The following GRIN2B variants were observed in gnomAD, a reference collection of about 807,000 sequenced individuals.
GRIN2B encodes the protein glutamate ionotropic receptor NMDA type subunit 2B.
In GRIN2B, 5 loss-of-function variants were observed where a neutral mutation model predicts 114.5. That is an observed-to-expected ratio of 0.04 (90% CI 0.02 to 0.09). The LOEUF (loss-of-function observed/expected upper bound fraction) is 0.09, where lower values mean the gene tolerates loss of function less well. Among genes scored for constraint, GRIN2B ranks in the 10% least tolerant of loss-of-function variants. GRIN2B has a pLI of 1.00. For missense variants in GRIN2B, 1,108 were observed against 1,943.5 expected (o/e 0.57, Z 8.08); for synonymous variants, 787 against 745.1 (o/e 1.06, Z -0.92).
At chr12:13,854,508 TCAAAA>T (rs553829007) in intron 3 of GRIN2B, among the ~76,000 whole-genome samples, 21 of 151,608 alleles carry the variant, frequency 1.4e-4, no homozygotes, top group Non-Finnish European at 2.7e-4. Context: ...AGACTCCACC[TCAAAA>T]CAAAACAAAA....
Position 13,553,902 on chromosome 12 carries a change from T to C in GRIN2B, c.*8881A>G, listed in dbSNP as rs1948447200. 1 of 152,072 alleles carries C rather than the reference T, an allele frequency of 6.6e-6. No individual in the cohort carries two copies. The highest frequency in any genetic ancestry group is 1.5e-5 in the Non-Finnish European group (1 of 68,020). 9.4% of individuals were successfully genotyped at this position (152,072 alleles called of 1,614,324 possible). On this transcript the variant is annotated 3_prime_UTR_variant, in exon 14 of 14. Transcript: ENST00000609686. ...TAACCATAAAACAGTCCAAAACAAC[T>C]TCAAAGGACAAAGCACTTAGAAAAA...
At chr12:13,830,358 G>A (rs1227884445) in intron 3 of GRIN2B, among the ~76,000 whole-genome samples, 2 of 152,160 alleles carry the variant, frequency 1.3e-5, no homozygotes, top group African/African-American at 4.8e-5. Flanking sequence ...CTTCTACTTT[G>A]AGAAATAAGT....
intron 3 of GRIN2B, among the ~76,000 whole-genome samples, chr12:13,782,564 A>C (rs1864137951): frequency 6.6e-6 from 1 of 152,224 alleles, no homozygotes; most frequent in Non-Finnish European, 1.5e-5. Flanking sequence ...ATTCTAGATT[A>C]TCTCTCAGCT....
At chr12:13,850,781 A>G (rs1394524710) in intron 3 of GRIN2B, among the ~76,000 whole-genome samples, 1 of 152,200 alleles carries the variant, frequency 6.6e-6, no homozygotes, top group Admixed American at 6.5e-5. Flanking sequence ...AGTGTTCAAA[A>G]TAAAGTGAAG....
At position 13,723,131 on chromosome 12, in the gene GRIN2B, C is replaced by A. The variant is rs1344054864; in HGVS notation, c.1010+30186G>T. On this transcript the variant is annotated intron_variant, in intron 4 of 13. Transcript: ENST00000609686. Reference sequence around the variant, plus strand: ...GGGAGCCTCTGAATAAATGCTTACACCTTTTTTTTTTGTTTTTTATTATTA... The same window carrying A: ...GGGAGCCTCTGAATAAATGCTTACAACTTTTTTTTTTGTTTTTTATTATTA... 7.3e-5 allele frequency among the ~76,000 whole-genome samples: 9 copies of A among 124,128 alleles called. No individual in the cohort carries two copies. The Admixed American group carries it at 7.6e-4, about 10-fold the overall frequency. 81.4% of individuals were successfully genotyped at this position (124,128 alleles called of 152,430 possible).
chr12:13,701,856 C>A (rs963238947), intron 4 of GRIN2B, among the ~76,000 whole-genome samples: 2 of 152,326 alleles, frequency 1.3e-5, no homozygotes, highest in African/African-American at 4.8e-5. Context: ...GGATAAAAGA[C>A]AAACACAAAG....
chr12:13,737,906 T>C (rs1863213852), intron 4 of GRIN2B, among the ~76,000 whole-genome samples: 1 of 152,194 alleles, frequency 6.6e-6, no homozygotes, highest in South Asian at 2.1e-4. Context: ...TACCCATAAT[T>C]CTGAAAAATT....
intron 4 of GRIN2B, among the ~76,000 whole-genome samples, chr12:13,727,910 T>C (rs1863019734): frequency 6.6e-6 from 1 of 152,220 alleles, no homozygotes; most frequent in Non-Finnish European, 1.5e-5. Flanking sequence ...GAAACCTACC[T>C]CTGCATGCAC....
At position 13,792,827 on chromosome 12, in the gene GRIN2B, C is replaced by T. The variant is rs1223137246; in HGVS notation, c.412-38912G>A. Reference sequence around the variant, plus strand: ...AAACCAGGAAACACACAAAAAGTGGCAGGCATTCTCAGCAGATATTGCACC... The same window carrying T: ...AAACCAGGAAACACACAAAAAGTGGTAGGCATTCTCAGCAGATATTGCACC... On this transcript the variant is annotated intron_variant, in intron 3 of 13. Coordinates refer to ENST00000609686, the MANE Select transcript of GRIN2B (RefSeq NM_000834.5). Among the ~76,000 whole-genome samples, 7 of 152,192 alleles carry T rather than the reference C, an allele frequency of 4.6e-5. No homozygotes were observed. In the East Asian group the frequency reaches 1.3e-3, roughly 29 times the overall value.
intron 4 of GRIN2B, among the ~76,000 whole-genome samples, chr12:13,695,870 G>T (rs1339326703): frequency 2.0e-5 from 3 of 152,132 alleles, no homozygotes; most frequent in Non-Finnish European, 4.4e-5. Flanking sequence ...CGGAAATGAT[G>T]ATTGCATGCT....
chr12:13,851,392 G>C (rs181043555), intron 3 of GRIN2B, among the ~76,000 whole-genome samples: 3 of 152,022 alleles, frequency 2.0e-5, no homozygotes, highest in Admixed American at 2.0e-4. Context: ...TTCACTCAAT[G>C]ACATTGCACT....
chr12:13,687,134 A>G (rs1254886438), intron 4 of GRIN2B, among the ~76,000 whole-genome samples: 1 of 152,180 alleles, frequency 6.6e-6, no homozygotes, highest in Non-Finnish European at 1.5e-5. Context: ...CATCATCAAA[A>G]AGTAAACCTT....
chr12:13,708,527 C>T (rs1295117638), intron 4 of GRIN2B, among the ~76,000 whole-genome samples: 3 of 151,960 alleles, frequency 2.0e-5, no homozygotes, highest in Non-Finnish European at 4.4e-5. Flanking sequence ...ATAAGTCTAT[C>T]CTTTGGTTAT....
intron 2 of GRIN2B, among the ~76,000 whole-genome samples, chr12:13,979,363 C>G (rs937951294): frequency 6.6e-6 from 1 of 151,762 alleles, no homozygotes; most frequent in South Asian, 2.1e-4. Context: ...ATCTCTGGGC[C>G]CCTTGTCAAC....
intron 5 of GRIN2B, among the ~76,000 whole-genome samples, chr12:13,623,102 A>G (rs1321081176): frequency 6.6e-6 from 1 of 152,230 alleles, no homozygotes; most frequent in Non-Finnish European, 1.5e-5. Flanking sequence ...AAATCAAATC[A>G]TAATACACAC....
intron 5 of GRIN2B, among the ~76,000 whole-genome samples, chr12:13,627,700 T>G (rs1949582171): frequency 6.6e-6 from 1 of 152,226 alleles, no homozygotes; most frequent in African/African-American, 2.4e-5. Context: ...TTCCTGTTGT[T>G]TGGTTAGTGA....
intron 3 of GRIN2B, among the ~76,000 whole-genome samples, chr12:13,818,004 G>A (rs1297586953): frequency 6.6e-6 from 1 of 152,174 alleles, no homozygotes; most frequent in African/African-American, 2.4e-5. Flanking sequence ...TGTTGAGATT[G>A]TAAAAAGAGG....
intron 11 of GRIN2B, among the ~76,000 whole-genome samples, chr12:13,570,640 TTCCTAAACATA>T (rs1372618863): frequency 6.6e-6 from 1 of 151,406 alleles, no homozygotes; most frequent in Non-Finnish European, 1.5e-5. Context: ...CAGCATATAG[TTCCTAAACATA>T]TAAGAACTTC....
Position 13,808,748 on chromosome 12 carries a change from A to ATATATATATAT in GRIN2B, c.412-54834_412-54833insATATATATATA, listed in dbSNP as rs1388525573. The stretch of plus-strand genomic sequence containing the variant: ...CCCTAGAACTTAAAGTATAATAAAA[A>ATATATATATAT]AAAAATATATATATATATATATACA... On this transcript the variant is annotated intron_variant, in intron 3 of 13. Coordinates refer to ENST00000609686, the MANE Select transcript of GRIN2B (RefSeq NM_000834.5). 9.1e-3 allele frequency among the ~76,000 whole-genome samples: 1,003 copies of ATATATATATAT among 110,084 alleles called. 23 individuals are homozygous for ATATATATATAT. The highest frequency in any genetic ancestry group is 0.041 in the South Asian group (137 of 3,348). 72.2% of individuals were successfully genotyped at this position (110,084 alleles called of 152,430 possible).
Sources: allele counts gnomAD v4.1 joint callset (sites outside exome capture counted in the v4.1 genomes callset), GRCh38; gene constraint gnomAD v4.1.1; transcripts MANE v1.5; gene names NCBI Gene and HGNC (gene_info 2026-07-23, HGNC 2026-07-21).